STRN3: variants seen among roughly 807,000 people sequenced by gnomAD.
The protein encoded by STRN3 is striatin 3.
STRN3 carries 29 observed loss-of-function variants against 95.6 expected under a neutral mutation model. The ratio of observed to expected loss-of-function variants is 0.30; its 90% CI spans 0.23 to 0.41. The LOEUF (loss-of-function observed/expected upper bound fraction) is 0.41. Ranked by LOEUF, STRN3 falls within the 10% of genes least tolerant of loss-of-function variation. STRN3 has a pLI of 1.00. For synonymous variants in STRN3, 331 were observed against 357.6 expected, an observed-to-expected ratio of 0.93 and a Z score of 0.84; for missense variants, 890 against 972.1, an observed-to-expected ratio of 0.92 and a Z score of 1.12.
intron 1 of STRN3, 150 bp from the exon 2 acceptor site, chr14:30,956,392 C>A (rs1188857640): frequency 1.4e-6 from 1 of 709,778 alleles, no homozygotes; most frequent in Admixed American, 2.7e-5. Flanking sequence ...ATGGCTCACA[C>A]CTGTAATCTC....
chr14:30,923,324 A>C (rs1232140899), intron 8 of STRN3, among the ~76,000 whole-genome samples: 1 of 152,206 alleles, frequency 6.6e-6, no homozygotes, highest in Non-Finnish European at 1.5e-5. Context: ...AAACTTTAAA[A>C]ATAAAAATTA....
At chr14:30,942,381 C>A (rs1021780793) in intron 5 of STRN3, among the ~76,000 whole-genome samples, 3 of 152,060 alleles carry the variant, frequency 2.0e-5, no homozygotes, top group South Asian at 2.1e-4. Flanking sequence ...TATTTACTAC[C>A]CTCTCTCATT....
chr14:30,934,703 C>A (rs939985710), intron 7 of STRN3, among the ~76,000 whole-genome samples: 4 of 152,014 alleles, frequency 2.6e-5, no homozygotes, highest in Non-Finnish European at 5.9e-5. Flanking sequence ...TAGCTTTATT[C>A]TTTCTAATTA....
In STRN3 at chr14:30,936,571, C is replaced by T. The variant is rs760713044; in HGVS notation, c.770G>A (p.Ser257Asn). 1.9e-6 allele frequency: 3 copies of T among 1,613,832 alleles called. No homozygotes were observed. The highest frequency in any genetic ancestry group is 2.2e-5 in the East Asian group (1 of 44,828). ...TFNFLENADD[S>N]DEDEENDMIE... ...CATGTCATTTTCCTCATCTTCATCACTGTCATCGGCATTTTCTAAGAAATT... is the reference window on the plus strand; with the variant it reads ...CATGTCATTTTCCTCATCTTCATCATTGTCATCGGCATTTTCTAAGAAATT... The change falls in exon 6 of 18, where the codon AGT becomes AAT. Residue 257 changes from serine to asparagine, a missense_variant. Around this residue, in one of 3 missense-constraint regions of STRN3, gnomAD observed 526 missense variants for 526.3 expected, o/e 1.00. Transcript: ENST00000357479.
intron 15 of STRN3, 59 bp downstream of exon 15, chr14:30,905,359 C>T: frequency 7.1e-7 from 1 of 1,410,876 alleles, no homozygotes; most frequent in Non-Finnish European, 9.3e-7. Flanking sequence ...GCTAAAAGAT[C>T]ACCCTCTATT....
chr14:30,903,585 A>T (rs1240291279), intron 15 of STRN3, among the ~76,000 whole-genome samples: 1 of 152,148 alleles, frequency 6.6e-6, no homozygotes, highest in Non-Finnish European at 1.5e-5. Flanking sequence ...TTTTTGGTAG[A>T]GATGGGGTCT....
At chr14:30,969,752 T>C (rs12891045) in intron 1 of STRN3, among the ~76,000 whole-genome samples, 4 of 152,198 alleles carry the variant, frequency 2.6e-5, no homozygotes, top group African/African-American at 9.7e-5. Flanking sequence ...AGAAATTATA[T>C]ACTTGGTTTT....
chr14:30,929,954 CAAAAAAA>C (rs1191963792), intron 7 of STRN3, among the ~76,000 whole-genome samples: 23 of 40,006 alleles, frequency 5.7e-4, no homozygotes, highest in African/African-American at 1.5e-3. Flanking sequence ...CTAAGATTAG[CAAAAAAA>C]AAAAAAAAAA....
At chr14:30,918,853 G>C in intron 9 of STRN3, 113 bp downstream of exon 9, 4 of 1,121,068 alleles carry the variant, frequency 3.6e-6, no homozygotes, top group South Asian at 2.9e-5. Flanking sequence ...CTTCTCTAAA[G>C]ATCATATAAA....
intron 1 of STRN3, among the ~76,000 whole-genome samples, chr14:30,967,442 T>C (rs1232462532): frequency 1.3e-5 from 2 of 152,200 alleles, no homozygotes; most frequent in African/African-American, 4.8e-5. Flanking sequence ...ATTTAAAACC[T>C]ATAGTTAATA....
intron 1 of STRN3, 61 bp downstream of exon 1, chr14:31,025,843 C>T: frequency 1.3e-6 from 2 of 1,554,282 alleles, no homozygotes; most frequent in Non-Finnish European, 1.7e-6. Flanking sequence ...AGTCCCCAGC[C>T]CCACCCCCCG....
At chr14:30,911,859 G>A (rs1484264644) in intron 11 of STRN3, 35 bp from the exon 12 acceptor site, 3 of 1,587,522 alleles carry the variant, frequency 1.9e-6, no homozygotes, top group Non-Finnish European at 1.7e-6. Context: ...GGGAAGAGAA[G>A]GCAATTAAAT....
At chr14:30,960,187 C>G (rs1300901976) in intron 1 of STRN3, among the ~76,000 whole-genome samples, 1 of 152,096 alleles carries the variant, frequency 6.6e-6, no homozygotes, top group African/African-American at 2.4e-5. Flanking sequence ...AAAACTCTAT[C>G]TCTACAAAAT....
At position 30,947,278 on chromosome 14, in the gene STRN3, A is replaced by G. The variant is rs1879411618; in HGVS notation, c.543-15T>C. ...CCTGAAGATACCTGTAAGAGAAAAT[A>G]AATATTAAAATCCACATACTGTTAA... On this transcript the variant is annotated splice_polypyrimidine_tract_variant and intron_variant, in intron 4 of 17. Transcript: ENST00000357479. 6.4e-7 allele frequency: 1 copy of G among 1,556,756 alleles called. No individual in the cohort carries two copies.
intron 1 of STRN3, among the ~76,000 whole-genome samples, chr14:31,021,825 A>G (rs1883521285): frequency 6.6e-6 from 1 of 152,184 alleles, no homozygotes; most frequent in Admixed American, 6.5e-5. Context: ...AAGGGAGGAG[A>G]GAAGAAAGCG....
At chr14:30,933,403 C>T (rs940348143) in intron 7 of STRN3, among the ~76,000 whole-genome samples, 3 of 147,782 alleles carry the variant, frequency 2.0e-5, no homozygotes, top group African/African-American at 7.5e-5. Context: ...TATACATATA[C>T]TTATAAAATA....
Position 30,894,346 on chromosome 14 carries a change from T to A in STRN3, c.*1065A>T, listed in dbSNP as rs1049902353. 1 of 152,642 alleles carries A rather than the reference T, an allele frequency of 6.6e-6. No individual in the cohort carries two copies. Among genetic ancestry groups the A allele is most frequent in the Admixed American group, 6.5e-5 (1 of 15,280 alleles). The allele number at this position is 152,642 out of a possible 1,614,324, so 9.5% of individuals were successfully genotyped here. On this transcript the variant is annotated 3_prime_UTR_variant, in exon 18 of 18. Transcript: ENST00000357479. ...TTTAAACTATAAAATACTCCATTTT[T>A]AGTCTATTTTAGACTATTCAAAGAG...
chr14:31,012,379 C>T (rs975236342), intron 1 of STRN3, among the ~76,000 whole-genome samples: 1 of 152,174 alleles, frequency 6.6e-6, no homozygotes, highest in African/African-American at 2.4e-5. Context: ...AAGTGTCACA[C>T]AAAATTTTAA....
At chr14:30,920,897 A>AT (rs1209015820) in intron 8 of STRN3, among the ~76,000 whole-genome samples, 1 of 152,034 alleles carries the variant, frequency 6.6e-6, no homozygotes, top group African/African-American at 2.4e-5. Flanking sequence ...ATCTGATCCT[A>AT]TTTTTTCTAC....
Sources: gnomAD v4.1 joint callset for allele counts (sites outside exome capture counted in the v4.1 genomes callset) on GRCh38, gnomAD v4.1.1 for gene constraint, gnomAD v4.1.1 regional missense constraint, MANE v1.5 for transcripts, NCBI Gene and HGNC (gene_info 2026-07-23, HGNC 2026-07-21) for gene names.